The following ERLIN1 variants were observed in gnomAD, a reference collection of about 807,000 sequenced individuals.
ERLIN1 encodes the protein erlin-1.
A neutral mutation model predicts 46.9 loss-of-function variants in ERLIN1; 24 were observed. That is an observed-to-expected ratio of 0.51 (90% CI 0.37 to 0.72). The LOEUF (loss-of-function observed/expected upper bound fraction) is 0.72, where lower values mean the gene tolerates loss of function less well. ERLIN1 is among the 30% of genes least tolerant of loss of function. The pLI, the probability that ERLIN1 is intolerant of heterozygous loss-of-function variation, is 0.00. For missense variants in ERLIN1, 293 were observed against 417.9 expected (o/e 0.70, Z 2.61); for synonymous variants, 158 against 143.2 (o/e 1.10, Z -0.74).
At chr10:100,154,997 T>G (rs1209625334) in intron 9 of ERLIN1, 58 bp from the exon 10 acceptor site, 4 of 1,357,756 alleles carry the variant, frequency 2.9e-6, no homozygotes, top group Non-Finnish European at 4.2e-6. Context: ...TAAGAGTCCC[T>G]TTCCCCACTG....
chr10:100,159,000 T>C (rs190979065), intron 8 of ERLIN1, among the ~76,000 whole-genome samples: 5 of 152,204 alleles, frequency 3.3e-5, no homozygotes, highest in Admixed American at 2.0e-4. Context: ...AAAGACAGAT[T>C]CTCACATTGG....
chr10:100,165,609 A>G (rs1399247598), intron 7 of ERLIN1, among the ~76,000 whole-genome samples: 5 of 152,010 alleles, frequency 3.3e-5, no homozygotes, highest in African/African-American at 7.3e-5. Flanking sequence ...GATGGTCTCG[A>G]TCTCCTGACC....
chr10:100,162,726 A>G, intron 8 of ERLIN1, among the ~76,000 whole-genome samples: 1 of 152,342 alleles, frequency 6.6e-6, no homozygotes, highest in Admixed American at 6.5e-5. Flanking sequence ...ATAAGCTCTG[A>G]TTTTTTATTT....
chr10:100,150,717 CTT>C lies in ERLIN1; in HGVS notation c.*1412_*1413del, dbSNP rs759375291. ...AAGATTTCTAGAAGTGGTCCCATGA[CTT>C]TTTTGTTGAGCTTCAACATAGCGTA... On this transcript the variant is annotated 3_prime_UTR_variant, in exon 11 of 11. Transcript: ENST00000421367. 4 of 152,558 alleles carry C rather than the reference CTT, an allele frequency of 2.6e-5. No individual in the cohort carries two copies. The East Asian group carries it at 7.7e-4, about 29-fold the overall frequency. The allele number at this position is 152,558 out of a possible 1,614,324, so 9.5% of individuals were successfully genotyped here. A position where few individuals can be genotyped will look rare whatever the true frequency, so the allele number is the denominator to read the frequency against.
At chr10:100,159,007 T>C (rs893792708) in intron 8 of ERLIN1, among the ~76,000 whole-genome samples, 1 of 152,146 alleles carries the variant, frequency 6.6e-6, no homozygotes, top group Non-Finnish European at 1.5e-5. Flanking sequence ...GATTCTCACA[T>C]TGGATAAGAT....
intron 8 of ERLIN1, among the ~76,000 whole-genome samples, chr10:100,159,429 T>C (rs935526061): frequency 2.0e-5 from 3 of 151,908 alleles, no homozygotes; most frequent in Non-Finnish European, 4.4e-5. Context: ...ACCAAATGAG[T>C]ATATAAAGAA....
chr10:100,185,069 T>A (rs1467577394), intron 1 of ERLIN1, among the ~76,000 whole-genome samples: 1 of 150,400 alleles, frequency 6.6e-6, no homozygotes, highest in Non-Finnish European at 1.5e-5. Context: ...ATAAGCACCA[T>A]CACAGTCATC....
intron 8 of ERLIN1, among the ~76,000 whole-genome samples, chr10:100,158,692 G>A (rs902769414): frequency 6.6e-6 from 1 of 152,104 alleles, no homozygotes; most frequent in Non-Finnish European, 1.5e-5. Flanking sequence ...AAAATACTAC[G>A]CAATAATAAA....
Position 100,180,516 on chromosome 10 carries a change from T to C in ERLIN1, c.196-1269A>G, listed in dbSNP as rs554270813. On this transcript the variant is annotated intron_variant, in intron 2 of 10. Transcript: ENST00000421367. ...AAGGATTTATAAGCCAGGTCTAGAG[T>C]GGGAGAAATAAGAACAGATGAGGCA... is the stretch of plus-strand genomic sequence containing the variant. 2.0e-5 allele frequency among the ~76,000 whole-genome samples: 3 copies of C among 152,026 alleles called. No individual in the cohort carries two copies. The East Asian group carries it at 5.8e-4, about 29-fold the overall frequency.
intron 6 of ERLIN1, among the ~76,000 whole-genome samples, chr10:100,170,399 T>C (rs541926213): frequency 6.6e-6 from 1 of 152,302 alleles, no homozygotes; most frequent in Non-Finnish European, 1.5e-5. Flanking sequence ...ACAATGGAGA[T>C]CTCTACCACT....
intron 9 of ERLIN1, among the ~76,000 whole-genome samples, chr10:100,155,715 C>T (rs1199368585): frequency 2.6e-5 from 4 of 151,994 alleles, no homozygotes; most frequent in Non-Finnish European, 5.9e-5. Context: ...GGGGTTTCAC[C>T]GTTTTAGCCG....
intron 8 of ERLIN1, among the ~76,000 whole-genome samples, chr10:100,159,025 T>C (rs1843217260): frequency 1.3e-5 from 2 of 152,054 alleles, no homozygotes; most frequent in African/African-American, 4.8e-5. Flanking sequence ...GATTACAAAA[T>C]CCAGCTATAT....
rs765831888 is a variant in ERLIN1, at chr10:100,152,267, G to T, written c.911C>A (p.Pro304His). Reference protein sequence around the residue: ...NSKIYFGSNIPNMFVDSSCAL... With the variant: ...NSKIYFGSNIHNMFVDSSCAL... ...ACATGAGGAGTCCACGAACATGTTA[G>T]GGATGTTGCTGCCAAAATAGATCTT... The change falls in exon 11 of 11, where the codon CCT (proline) becomes CAT (histidine). Residue 304 changes from proline to histidine, a missense_variant. Physicochemically the swap from Pro to His is moderately conservative, Grantham distance 77. This residue lies in a region of ERLIN1 where 69 missense variants were observed against 74.5 expected (regional missense o/e 0.93). Coordinates refer to ENST00000421367, the MANE Select transcript of ERLIN1 (RefSeq NM_006459.4). 5 of 1,612,392 alleles carry T rather than the reference G, an allele frequency of 3.1e-6. No individual in the cohort carries two copies. The highest frequency in any genetic ancestry group is 4.2e-6 in the Non-Finnish European group (5 of 1,178,430).
chr10:100,167,468 T>C, intron 6 of ERLIN1, 62 bp from the exon 7 acceptor site: 1 of 1,382,790 alleles, frequency 7.2e-7, no homozygotes, highest in Admixed American at 1.8e-5. Context: ...AATTAAATCT[T>C]CTACAGAAAA....
At chr10:100,180,349 C>A (rs1038549401) in intron 2 of ERLIN1, among the ~76,000 whole-genome samples, 1 of 152,090 alleles carries the variant, frequency 6.6e-6, no homozygotes, top group African/African-American at 2.4e-5. Context: ...GCACAGGAGA[C>A]AAAATGTTAC....
At chr10:100,181,002 G>C (rs1057192294) in intron 2 of ERLIN1, among the ~76,000 whole-genome samples, 2 of 152,208 alleles carry the variant, frequency 1.3e-5, no homozygotes, top group Non-Finnish European at 2.9e-5. Flanking sequence ...CTTAGGTTGA[G>C]ACATTAGAAT....
intron 7 of ERLIN1, among the ~76,000 whole-genome samples, chr10:100,166,379 G>A (rs1843641234): frequency 6.6e-6 from 1 of 151,650 alleles, no homozygotes; most frequent in African/African-American, 2.4e-5. Flanking sequence ...AGTGAGCCGT[G>A]ATTGTGCCAC....
intron 6 of ERLIN1, 73 bp from the exon 7 acceptor site, chr10:100,167,479 GC>G: frequency 7.9e-7 from 1 of 1,267,660 alleles, no homozygotes; most frequent in East Asian, 2.3e-5. Context: ...CTACAGAAAA[GC>G]CCCTCAAATG....
At chr10:100,170,306 G>A (rs1463500756) in intron 6 of ERLIN1, among the ~76,000 whole-genome samples, 2 of 152,000 alleles carry the variant, frequency 1.3e-5, no homozygotes, top group African/African-American at 4.8e-5. Context: ...AGCAACCAAA[G>A]CAAAGGAGCT....
Sources: gnomAD v4.1 joint callset for allele counts (sites outside exome capture counted in the v4.1 genomes callset) on GRCh38, gnomAD v4.1.1 for gene constraint, gnomAD v4.1.1 regional missense constraint, MANE v1.5 for transcripts, NCBI Gene and HGNC (gene_info 2026-07-23, HGNC 2026-07-21) for gene names.